Variants in PTK6 observed in about 807,000 individuals in gnomAD.
PTK6 encodes the protein protein-tyrosine kinase 6.
A neutral mutation model predicts 47.5 loss-of-function variants in PTK6; 47 were observed. That is an observed-to-expected ratio of 0.99 (90% CI 0.78 to 1.26). The LOEUF (loss-of-function observed/expected upper bound fraction) is 1.26. Among genes scored for constraint, PTK6 ranks in the 50% most tolerant of loss-of-function variants. The pLI is 0.00. For synonymous variants in PTK6, 287 were observed against 276.5 expected, an observed-to-expected ratio of 1.04 and a Z score of -0.38; for missense variants, 618 against 625.3, an observed-to-expected ratio of 0.99 and a Z score of 0.12.
intron 5 of PTK6, among the ~76,000 whole-genome samples, chr20:63,532,167 GTGTGTGTGTC>G (rs1214103144): frequency 1.4e-5 from 2 of 145,472 alleles, no homozygotes; most frequent in East Asian, 1.9e-4. Context: ...GTGTCTGTGT[GTGTGTGTGTC>G]TGTGTGTGTC....
In PTK6 at chr20:63,533,739, C is replaced by A; in HGVS notation, c.517-35G>T. 2 of 1,586,342 alleles carry A rather than the reference C, an allele frequency of 1.3e-6. No homozygotes were observed. The highest frequency in any genetic ancestry group is 1.4e-5 in the African/African-American group (1 of 73,876). ...GAGTCGGGGACACAGGGCAGGGGCT[C>A]ATCCTTCAGGAAGTGCCAGTCTGAA... On this transcript the variant is annotated intron_variant, in intron 3 of 7. Coordinates refer to ENST00000542869, the MANE Select transcript of PTK6 (RefSeq NM_005975.4). This position sits in a 1 kb window ranked among gnomAD's most constrained non-coding sequence, Gnocchi z 4.0.
intron 5 of PTK6, among the ~76,000 whole-genome samples, chr20:63,531,852 CT>C (rs10712438): frequency 0.13 from 19,714 of 152,156 alleles, 4,064 homozygotes; most frequent in African/African-American, 0.44. Flanking sequence ...GGCGTGGGGA[CT>C]GTCTGAGATG....
In PTK6 at chr20:63,528,785, C is replaced by T. The variant is rs1007280749; in HGVS notation, c.*751G>A. 1 of 152,090 alleles carries T rather than the reference C, an allele frequency of 6.6e-6. No individual in the cohort carries two copies. Among genetic ancestry groups the T allele is most frequent in the African/African-American group, 2.4e-5 (1 of 41,388 alleles). 9.4% of individuals were successfully genotyped at this position (152,090 alleles called of 1,614,324 possible). A position where few individuals can be genotyped will look rare whatever the true frequency, so the allele number is the denominator to read the frequency against. Reference sequence around the variant, plus strand: ...ACCAATAAGCTTTTTATGACTTAACCATGGATGAAAGAGACACCTTCAAAA... The same window carrying T: ...ACCAATAAGCTTTTTATGACTTAACTATGGATGAAAGAGACACCTTCAAAA... On this transcript the variant is annotated 3_prime_UTR_variant, in exon 8 of 8. Transcript: ENST00000542869.
Position 63,537,219 on chromosome 20 carries a change from C to A in PTK6, c.96G>T (p.Gly32=). The change falls in exon 1 of 8, where the codon GGG becomes GGT. Residue 32 remains glycine, a synonymous_variant. Transcript: ENST00000542869. ...RTDEELSFRA[G]DVFHVARKEE... ...CCTTCCTGGCCACGTGGAAGACGTC[C>A]CCCGCGCGGAAGCTCAGCTCCTCGT... 1 of 1,612,388 alleles carries A rather than the reference C, an allele frequency of 6.2e-7. No individual in the cohort carries two copies. Among genetic ancestry groups the A allele is most frequent in the Non-Finnish European group, 8.5e-7 (1 of 1,179,814 alleles).
intron 2 of PTK6, 61 bp downstream of exon 2, chr20:63,534,877 G>T: frequency 1.3e-6 from 2 of 1,531,744 alleles, no homozygotes; most frequent in Non-Finnish European, 1.8e-6. Context: ...CCACGTGGCT[G>T]GGAGGGCTTA....
Position 63,530,635 on chromosome 20 carries a change from C to A in PTK6, c.1014+111G>T. The A allele has an allele frequency of 7.4e-7, 1 of 1,342,892 alleles. No individual in the cohort carries two copies. The highest frequency in any genetic ancestry group is 1.4e-5 in the South Asian group (1 of 72,266). The allele number at this position is 1,342,892 out of a possible 1,614,324, so 83.2% of individuals were successfully genotyped here. Reference sequence around the variant, plus strand: ...CCTGCCCAGCCTGGGCTCCCGAGGGCAGGGGCCGCATCCTGCTCCCAGCCG... The same window carrying A: ...CCTGCCCAGCCTGGGCTCCCGAGGGAAGGGGCCGCATCCTGCTCCCAGCCG... On this transcript the variant is annotated intron_variant, in intron 6 of 7. Coordinates refer to ENST00000542869, the MANE Select transcript of PTK6 (RefSeq NM_005975.4). The surrounding 1 kb of genome is among the most constrained non-coding windows in gnomAD (Gnocchi z 4.1).
Position 63,532,569 on chromosome 20 carries a change from G to A in PTK6, c.789C>T (p.Ile263=), listed in dbSNP as rs775315312. Residue 263 remains isoleucine (I), a synonymous_variant, in exon 5 of 8, where the codon ATC becomes ATT. Transcript: ENST00000542869. The stretch of plus-strand genomic sequence containing the variant: ...GGCTGCCCTTGGCCATGAGCTCCGT[G>A]ATGATGTACACGGGGTCCCCCACGG... ...VVSVGDPVYI[I]TELMAKGSLL... is the part of the protein sequence containing the mutation. 1.2e-6 allele frequency: 2 copies of A among 1,613,874 alleles called. No individual in the cohort carries two copies. The highest frequency in any genetic ancestry group is 2.2e-5 in the South Asian group (2 of 91,086).
chr20:63,529,659 C>A lies in PTK6; in HGVS notation c.1233G>T (p.Glu411Asp), dbSNP rs138646992. The change falls in exon 8 of 8, where the codon GAG becomes GAT. Residue 411 changes from glutamate to aspartate, a missense_variant. Coordinates refer to ENST00000542869, the MANE Select transcript of PTK6 (RefSeq NM_005975.4). This position sits in a 1 kb window ranked among gnomAD's most constrained non-coding sequence, Gnocchi z 5.6. ...DAGYRMPCPLECPPSVHKLML... is the reference protein window; with the variant it reads ...DAGYRMPCPLDCPPSVHKLML... ...TCAGCTTGTGCACGCTGGGCGGGCA[C>A]TCCAGAGGGCAGGGCATGCGGTAGC... is the stretch of plus-strand genomic sequence containing the variant. 516 of 1,547,608 alleles carry A rather than the reference C, an allele frequency of 3.3e-4. 1 individual carries two copies. The African/African-American group carries it at 6.6e-3, about 20-fold the overall frequency.
Position 63,533,819 on chromosome 20 carries a change from G to C in PTK6, c.517-115C>G. 1 of 1,416,030 alleles carries C rather than the reference G, an allele frequency of 7.1e-7. No homozygotes were observed. The highest frequency in any genetic ancestry group is 9.4e-7 in the Non-Finnish European group (1 of 1,061,186). 87.7% of individuals were successfully genotyped at this position (1,416,030 alleles called of 1,614,324 possible). A position where few individuals can be genotyped will look rare whatever the true frequency, so the allele number is the denominator to read the frequency against. ...AGATTTAGGGCCACGATCAGCCTGG[G>C]TTGGGGGTTTCTGAGTGTCTGACAC... is the stretch of plus-strand genomic sequence containing the variant. On this transcript the variant is annotated intron_variant, in intron 3 of 7. Coordinates refer to ENST00000542869, the MANE Select transcript of PTK6 (RefSeq NM_005975.4). The surrounding 1 kb of genome is among the most constrained non-coding windows in gnomAD (Gnocchi z 4.0).
At chr20:63,532,280 G>A (rs2082628497) in intron 5 of PTK6, among the ~76,000 whole-genome samples, 1 of 150,458 alleles carries the variant, frequency 6.6e-6, no homozygotes, top group Admixed American at 6.6e-5. Flanking sequence ...GTCTGTGTGT[G>A]TCATGTGATG....
In PTK6 at chr20:63,529,924, G is replaced by A. The variant is rs1181541699; in HGVS notation, c.1168+154C>T. The A allele has an allele frequency of 3.6e-5, 41 of 1,128,264 alleles. No individual in the cohort carries two copies. The highest frequency in any genetic ancestry group is 2.8e-4 in the Middle Eastern group (1 of 3,596). 69.9% of individuals were successfully genotyped at this position (1,128,264 alleles called of 1,614,324 possible). A position where few individuals can be genotyped will look rare whatever the true frequency, so the allele number is the denominator to read the frequency against. ...CAGGCAGCTCCAGGCACCAGCCTGG[G>A]TGCTCAGAGAATGGTGCAGGTGTGG... On this transcript the variant is annotated intron_variant, in intron 7 of 7. Transcript: ENST00000542869. The surrounding 1 kb of genome is among the most constrained non-coding windows in gnomAD (Gnocchi z 5.6).
At chr20:63,531,614 CAAA>C (rs111459656) in intron 5 of PTK6, among the ~76,000 whole-genome samples, 2 of 120,506 alleles carry the variant, frequency 1.7e-5, no homozygotes. Flanking sequence ...GACTCCGTCT[CAAA>C]AAAAAAAAAA....
rs550929351 is a variant in PTK6, at chr20:63,530,080, G to A, written c.1166C>T (p.Pro389Leu). The change falls in exon 7 of 8, where the codon CCA becomes CTA. Residue 389 changes from proline to leucine, a missense_variant and splice_region_variant. Transcript: ENST00000542869. The surrounding 1 kb of genome is among the most constrained non-coding windows in gnomAD (Gnocchi z 4.1). ...GTCAGGGACAGTGGGGACAGTACCT[G>A]GGTAGGGCACCTGACCCCTGCTGAA... The part of the protein sequence containing the change: ...EMFSRGQVPY[P>L]GMSNHEAFLR... 37 of 1,613,792 alleles carry A rather than the reference G, an allele frequency of 2.3e-5. No homozygotes were observed. The highest frequency in any genetic ancestry group is 3.0e-5 in the Non-Finnish European group (35 of 1,180,000).
chr20:63,535,671 A>G (rs1303299051), intron 1 of PTK6, among the ~76,000 whole-genome samples: 2 of 151,624 alleles, frequency 1.3e-5, no homozygotes, highest in Admixed American at 6.6e-5. Context: ...ACAGAAGACC[A>G]CGGCCCAGCA....
intron 5 of PTK6, among the ~76,000 whole-genome samples, chr20:63,531,825 C>A (rs1000142632): frequency 2.0e-5 from 3 of 147,428 alleles, no homozygotes; most frequent in African/African-American, 8.2e-5. Context: ...CACATTCCCT[C>A]CCGGAGGACC....
At position 63,534,795 on chromosome 20, in the gene PTK6, T is replaced by G. The variant is rs2082651137; in HGVS notation, c.352+143A>C. ...AGGCCCCAGGGAGGAGCGGGCCAGGTGGGCGGAGGGGATGGGAGCTCCCTG... is the reference window on the plus strand; with the variant it reads ...AGGCCCCAGGGAGGAGCGGGCCAGGGGGGCGGAGGGGATGGGAGCTCCCTG... On this transcript the variant is annotated intron_variant, in intron 2 of 7. Coordinates refer to ENST00000542869, the MANE Select transcript of PTK6 (RefSeq NM_005975.4). 15 of 1,266,074 alleles carry G rather than the reference T, an allele frequency of 1.2e-5. No homozygotes were observed. In the South Asian group the frequency reaches 2.4e-4, roughly 20 times the overall value. 78.4% of individuals were successfully genotyped at this position (1,266,074 alleles called of 1,614,324 possible). A position where few individuals can be genotyped will look rare whatever the true frequency, so the allele number is the denominator to read the frequency against.
At chr20:63,534,843 C>T (rs887895726) in intron 2 of PTK6, 95 bp downstream of exon 2, 2 of 1,459,432 alleles carry the variant, frequency 1.4e-6, no homozygotes, top group East Asian at 5.0e-5. Context: ...TGTCCCCCGT[C>T]TCAGCCAGAG....
At chr20:63,534,387 C>T in intron 2 of PTK6, 72 bp from the exon 3 acceptor site, 1 of 1,473,484 alleles carries the variant, frequency 6.8e-7, no homozygotes, top group Non-Finnish European at 9.0e-7. Context: ...CCCTGCTGGC[C>T]ACACCTGCGC....
rs763444892 is a variant in PTK6 at position 63,537,081 on chromosome 20, G to A, written c.230+4C>T. 37 of 1,605,040 alleles carry A rather than the reference G, an allele frequency of 2.3e-5. No homozygotes were observed. The Middle Eastern group carries it at 6.6e-4, about 29-fold the overall frequency. On this transcript the variant is annotated splice_donor_region_variant and intron_variant, in intron 1 of 7. Transcript: ENST00000542869. Reference sequence around the variant, plus strand: ...CAAAGCTCCCAGCAGCCTAGGACACGCACGGTTCCGACTCCACCGTCTCCC... The same window carrying A: ...CAAAGCTCCCAGCAGCCTAGGACACACACGGTTCCGACTCCACCGTCTCCC...
Sources: allele counts gnomAD v4.1 joint callset (sites outside exome capture counted in the v4.1 genomes callset), GRCh38; gene constraint gnomAD v4.1.1; non-coding constraint Gnocchi (gnomAD v3.1); transcripts MANE v1.5; gene names NCBI Gene and HGNC (gene_info 2026-07-23, HGNC 2026-07-21).